The following CSF3R variants were observed in gnomAD, a reference collection of about 807,000 sequenced individuals.
CSF3R encodes the protein granulocyte colony-stimulating factor receptor.
CSF3R carries 52 observed loss-of-function variants against 84.4 expected under a neutral mutation model. The ratio of observed to expected loss-of-function variants is 0.62; its 90% CI spans 0.49 to 0.78. The LOEUF (loss-of-function observed/expected upper bound fraction) is 0.78, where lower values mean the gene tolerates loss of function less well. Ranked by LOEUF, CSF3R falls within the 30% of genes least tolerant of loss-of-function variation. The pLI is 0.00. For missense variants in CSF3R, 890 were observed against 1,055.7 expected, an observed-to-expected ratio of 0.84 and a Z score of 2.17; for synonymous variants, 384 against 429.1, an observed-to-expected ratio of 0.89 and a Z score of 1.30.
At chr1:36,482,443 T>C (rs1178969949) in intron 1 of CSF3R, among the ~76,000 whole-genome samples, 1 of 150,850 alleles carries the variant, frequency 6.6e-6, no homozygotes, top group Non-Finnish European at 1.5e-5. Context: ...GGAGGAAAGA[T>C]GGAAACAGAG....
rs755626191 is a variant in CSF3R at position 36,475,338 on chromosome 1, T to C, written c.361+39A>G. 22 of 1,606,898 alleles carry C rather than the reference T, an allele frequency of 1.4e-5. No individual in the cohort carries two copies. The African/African-American group carries it at 1.5e-4, about 11-fold the overall frequency. On this transcript the variant is annotated intron_variant, in intron 4 of 16. Coordinates refer to ENST00000373106, the MANE Select transcript of CSF3R (RefSeq NM_000760.4). ...ATTCTTATTAGTATTGGCAGGAGGGTGTTGGAGGCAGAGTAGTTGGATGGC... is the reference window on the plus strand; with the variant it reads ...ATTCTTATTAGTATTGGCAGGAGGGCGTTGGAGGCAGAGTAGTTGGATGGC...
In CSF3R at chr1:36,475,522, C is replaced by T. The variant is rs1456951338; in HGVS notation, c.216G>A (p.Gly72=). ...CATCAGACAGACGCTGCTGCCTGCC[C>T]CCGGGCTGAAGCTCTGCTCCCAGTC... ...LWRLGAELQP[G]GRQQRLSDGT... Residue 72 remains glycine, a synonymous_variant, in exon 4 of 17, where the codon GGG becomes GGA. Transcript: ENST00000373106. 9 of 1,613,974 alleles carry T rather than the reference C, an allele frequency of 5.6e-6. No individual in the cohort carries two copies. The highest frequency in any genetic ancestry group is 1.7e-4 in the Middle Eastern group (1 of 6,050).
intron 12 of CSF3R, chr1:36,468,856 C>T (rs1650518721): frequency 7.7e-6 from 3 of 391,236 alleles, no homozygotes; most frequent in Non-Finnish European, 1.5e-5. Context: ...CCACTGCACC[C>T]GGCCCCTCTG....
chr1:36,478,187 C>T (rs1651283781), intron 3 of CSF3R, among the ~76,000 whole-genome samples: 1 of 152,186 alleles, frequency 6.6e-6, no homozygotes, highest in South Asian at 2.1e-4. Context: ...AAAGATGTTT[C>T]TTACATTTTA....
At chr1:36,483,083 G>T (rs1421977532), upstream of CSF3R, 1 of 152,224 alleles carries the variant, frequency 6.6e-6, no homozygotes, top group Non-Finnish European at 1.5e-5. Context: ...TGCCTTGGGG[G>T]TCTTAAAGGG....
Position 36,467,055 on chromosome 1 carries a change from T to A in CSF3R, c.2040+175A>T. On this transcript the variant is annotated intron_variant, in intron 16 of 16. Coordinates refer to ENST00000373106, the MANE Select transcript of CSF3R (RefSeq NM_000760.4). The surrounding 1 kb of genome is among the most constrained non-coding windows in gnomAD (Gnocchi z 4.1). ...TTTTTCCATATCACAGGGAGGTGAC[T>A]GAGGCTTTGAGATGGACAGAGGTGG... is the stretch of plus-strand genomic sequence containing the variant. The A allele has an allele frequency of 8.0e-7, 1 of 1,253,364 alleles. No homozygotes were observed. The highest frequency in any genetic ancestry group is 1.3e-5 in the South Asian group (1 of 78,484). 77.6% of individuals were successfully genotyped at this position (1,253,364 alleles called of 1,614,324 possible).
In CSF3R at chr1:36,466,543, G is replaced by C. The variant is rs138866886; in HGVS notation, c.2325C>G (p.Pro775=). ...GGCTGGGGGTGAGGCCCGCCAAGAG[G>C]GGCTGAGTGGAGTCACAGCGGAGAT... ...GHYLRCDSTQ[P]LLAGLTPSPK... Residue 775 remains proline (P), a synonymous_variant, in exon 17 of 17, where the codon CCC becomes CCG. Transcript: ENST00000373106. The surrounding 1 kb of genome is among the most constrained non-coding windows in gnomAD (Gnocchi z 4.6). 6.2e-7 allele frequency: 1 copy of C among 1,609,388 alleles called. No individual in the cohort carries two copies. Among genetic ancestry groups the C allele is most frequent in the Non-Finnish European group, 8.5e-7 (1 of 1,176,958 alleles).
chr1:36,480,721 C>A (rs1651466815), intron 2 of CSF3R, among the ~76,000 whole-genome samples: 1 of 152,238 alleles, frequency 6.6e-6, no homozygotes, highest in Admixed American at 6.5e-5. Context: ...CTCTTCCTCC[C>A]AGACAGAGGT....
intron 3 of CSF3R, chr1:36,478,978 G>A (rs777861951): frequency 9.9e-5 from 29 of 292,740 alleles, no homozygotes; most frequent in Non-Finnish European, 1.7e-4. Flanking sequence ...TATCAATCCT[G>A]GCTTTAGCTT....
chr1:36,474,389 G>GTTTTTT (rs1340935488), intron 4 of CSF3R, among the ~76,000 whole-genome samples: 2 of 128,288 alleles, frequency 1.6e-5, no homozygotes, highest in African/African-American at 6.5e-5. Flanking sequence ...CATTACTGGT[G>GTTTTTT]CTTTTTTTTT....
intron 1 of CSF3R, chr1:36,481,982 C>T (rs1358803566): frequency 6.5e-6 from 1 of 152,674 alleles, no homozygotes; most frequent in Non-Finnish European, 1.5e-5. Context: ...TCCCTCATCA[C>T]GCTCAGCCCT....
Position 36,472,967 on chromosome 1 carries a change from C to T in CSF3R, c.674-281G>A. ...CCTTCAAGGATCTGCTCAATTGTCACCCTCTTAGTGAGGCCTTTCTTGACC... is the reference window on the plus strand; with the variant it reads ...CCTTCAAGGATCTGCTCAATTGTCATCCTCTTAGTGAGGCCTTTCTTGACC... On this transcript the variant is annotated intron_variant, in intron 6 of 16. Coordinates refer to ENST00000373106, the MANE Select transcript of CSF3R (RefSeq NM_000760.4). This position sits in a 1 kb window ranked among gnomAD's most constrained non-coding sequence, Gnocchi z 5.0. The T allele has an allele frequency of 2.1e-6, 1 of 486,374 alleles. No homozygotes were observed. The highest frequency in any genetic ancestry group is 3.9e-5 in the Admixed American group (1 of 25,552). The allele number at this position is 486,374 out of a possible 1,614,324, so 30.1% of individuals were successfully genotyped here.
At chr1:36,471,312 G>A in intron 10 of CSF3R, 121 bp downstream of exon 10, 1 of 1,000,944 alleles carries the variant, frequency 1.0e-6, no homozygotes, top group East Asian at 2.4e-5. Context: ...CTCCCAAAGT[G>A]CTGGGATTAC....
chr1:36,468,296 C>T (rs1208519262), intron 12 of CSF3R, 75 bp from the exon 13 acceptor site: 3 of 1,456,066 alleles, frequency 2.1e-6, no homozygotes, highest in South Asian at 2.7e-5. Flanking sequence ...CTTGTGGCTT[C>T]CCAGACACTG....
rs1243770344 is a variant in CSF3R at position 36,473,892 on chromosome 1, A to G, written c.362-5T>C. The G allele has an allele frequency of 6.2e-7, 1 of 1,613,930 alleles. No homozygotes were observed. The highest frequency in any genetic ancestry group is 8.5e-7 in the Non-Finnish European group (1 of 1,179,930). On this transcript the variant is annotated splice_polypyrimidine_tract_variant and splice_region_variant and intron_variant, in intron 4 of 16. Transcript: ENST00000373106. ...TGTGGGGTATGGCTGGAGGGTCTGC[A>G]TGTGGGTGGGAAGAGTGTGAGGGCT...
rs763098204 is a variant in CSF3R, at chr1:36,475,837, T to C, written c.65-164A>G. 135 of 664,628 alleles carry C rather than the reference T, an allele frequency of 2.0e-4. 1 individual carries two copies. Among genetic ancestry groups the C allele is most frequent in the Admixed American group, 2.1e-4 (7 of 33,504 alleles). The allele number at this position is 664,628 out of a possible 1,614,324, so 41.2% of individuals were successfully genotyped here. A position where few individuals can be genotyped will look rare whatever the true frequency, so the allele number is the denominator to read the frequency against. The stretch of plus-strand genomic sequence containing the variant: ...GATGGGGACGGAGACTTCGAGAGGC[T>C]ACGGGGGTGACACAGAGATAGTGAT... On this transcript the variant is annotated intron_variant, in intron 3 of 16. Transcript: ENST00000373106.
At chr1:36,480,984 C>T (rs1651482854) in intron 2 of CSF3R, among the ~76,000 whole-genome samples, 1 of 152,168 alleles carries the variant, frequency 6.6e-6, no homozygotes, top group Non-Finnish European at 1.5e-5. Context: ...AGTGAGAAAC[C>T]TGTACAAGTA....
At chr1:36,468,833 T>G in intron 12 of CSF3R, 1 of 356,344 alleles carries the variant, frequency 2.8e-6, no homozygotes. Flanking sequence ...AGTGTTAGGA[T>G]TACAGGTGTG....
intron 4 of CSF3R, among the ~76,000 whole-genome samples, chr1:36,474,515 A>C (rs949878527): frequency 6.7e-6 from 1 of 148,304 alleles, no homozygotes; most frequent in Admixed American, 6.9e-5. Flanking sequence ...GGGTTTCCCC[A>C]TGTTGGCCAG....
Sources: allele counts gnomAD v4.1 joint callset (sites outside exome capture counted in the v4.1 genomes callset), GRCh38; gene constraint gnomAD v4.1.1; non-coding constraint Gnocchi (gnomAD v3.1); transcripts MANE v1.5; gene names NCBI Gene and HGNC (gene_info 2026-07-23, HGNC 2026-07-21).